Variants in CHM observed in about 807,000 individuals in gnomAD.
The protein encoded by CHM is rab proteins geranylgeranyltransferase component A 1.
In CHM, 10 loss-of-function variants were observed where a neutral mutation model predicts 49.0. That is an observed-to-expected ratio of 0.20 (90% CI 0.13 to 0.35). The LOEUF (loss-of-function observed/expected upper bound fraction) is 0.35. CHM is among the 10% of genes least tolerant of loss of function. The pLI, the probability that CHM is intolerant of heterozygous loss-of-function variation, is 1.00. For missense variants in CHM, 455 were observed against 478.4 expected, an observed-to-expected ratio of 0.95 and a Z score of 0.46; for synonymous variants, 184 against 167.5, an observed-to-expected ratio of 1.10 and a Z score of -0.76.
At chrX:85,913,725 G>A (rs1167408694) in intron 8 of CHM, among the ~76,000 whole-genome samples, 1 of 110,987 alleles carries the variant, frequency 9.0e-6, no homozygotes, top group East Asian at 2.8e-4. Context: ...ATGAATGTAT[G>A]GAAATGATGA....
chrX:85,932,961 A>G (rs780530482), intron 8 of CHM, among the ~76,000 whole-genome samples: 1 of 112,015 alleles, frequency 8.9e-6, no homozygotes, highest in South Asian at 3.7e-4. Flanking sequence ...AGTGTTGATT[A>G]TGAAAACATC....
intron 1 of CHM, among the ~76,000 whole-genome samples, chrX:86,043,176 A>T (rs1181739149): frequency 2.7e-5 from 3 of 111,458 alleles, no homozygotes; most frequent in Admixed American, 9.5e-5. Flanking sequence ...CATCTATTGA[A>T]ATTTCTCACT....
Position 85,974,133 on chromosome X carries a change from A to G in CHM, c.314+4634T>C, listed in dbSNP as rs1209258973. Reference sequence around the variant, plus strand: ...GAATATGTGAAAACCAAAATTAAAAAGACAATACCATTTATAATTGTTCCA... The same window carrying G: ...GAATATGTGAAAACCAAAATTAAAAGGACAATACCATTTATAATTGTTCCA... On this transcript the variant is annotated intron_variant, in intron 4 of 14. Transcript: ENST00000357749. 6.2e-5 allele frequency among the ~76,000 whole-genome samples: 7 copies of G among 112,458 alleles called. No homozygotes were observed. In the East Asian group the frequency reaches 1.9e-3, roughly 31 times the overall value.
intron 2 of CHM, among the ~76,000 whole-genome samples, chrX:85,998,387 T>C (rs1932544924): frequency 9.0e-6 from 1 of 111,726 alleles, no homozygotes; most frequent in African/African-American, 3.3e-5. Flanking sequence ...AATGAGTCTC[T>C]TGGGAGTGGT....
At chrX:86,036,856 A>C (rs1051762478) in intron 1 of CHM, among the ~76,000 whole-genome samples, 1 of 111,335 alleles carries the variant, frequency 9.0e-6, no homozygotes, top group Non-Finnish European at 1.9e-5. Flanking sequence ...ATTACAGAGA[A>C]AACAAGACTG....
chrX:85,998,840 T>C (rs933277811), intron 2 of CHM, among the ~76,000 whole-genome samples: 1 of 111,583 alleles, frequency 9.0e-6, no homozygotes, highest in Non-Finnish European at 1.9e-5. Context: ...GGGGACAATC[T>C]ATATTGATGG....
At chrX:85,891,690 C>T (rs1925470030) in intron 12 of CHM, among the ~76,000 whole-genome samples, 1 of 112,530 alleles carries the variant, frequency 8.9e-6, no homozygotes. Flanking sequence ...TGCTAGGGCA[C>T]TGTGGAAGGG....
intron 14 of CHM, among the ~76,000 whole-genome samples, chrX:85,865,047 C>T (rs184392000): frequency 9.0e-6 from 1 of 111,676 alleles, no homozygotes; most frequent in East Asian, 2.8e-4. Flanking sequence ...TCAAGGATGG[C>T]AGTACCTCAT....
At chrX:85,880,259 AG>A (rs1924679430) in intron 12 of CHM, among the ~76,000 whole-genome samples, 1 of 111,632 alleles carries the variant, frequency 9.0e-6, no homozygotes, top group African/African-American at 3.2e-5. Flanking sequence ...GGGATACTGT[AG>A]GATGTATGGT....
At chrX:85,959,049 A>C in intron 5 of CHM, 72 bp from the exon 6 acceptor site, 1 of 1,123,867 alleles carries the variant, frequency 8.9e-7, no homozygotes, top group Non-Finnish European at 1.2e-6. Context: ...AAAGATACAT[A>C]ATTTTGCTAT....
At chrX:85,925,220 A>G (rs1255049629) in intron 8 of CHM, among the ~76,000 whole-genome samples, 1 of 111,415 alleles carries the variant, frequency 9.0e-6, no homozygotes, top group Admixed American at 9.6e-5. Context: ...TCTATGTTTC[A>G]TAAGTACAGT....
intron 7 of CHM, among the ~76,000 whole-genome samples, chrX:85,957,206 C>T (rs989330371): frequency 1.8e-5 from 2 of 111,435 alleles, no homozygotes; most frequent in African/African-American, 6.5e-5. Flanking sequence ...ATAGTATATT[C>T]CAATTTTGGA....
At chrX:86,006,606 C>T (rs1347830067) in intron 2 of CHM, among the ~76,000 whole-genome samples, 4 of 111,372 alleles carry the variant, frequency 3.6e-5, no homozygotes, top group East Asian at 5.7e-4. Flanking sequence ...ACAAGCATTC[C>T]TATACACCAA....
At chrX:85,960,101 T>C (rs1318921724) in intron 5 of CHM, among the ~76,000 whole-genome samples, 1 of 111,724 alleles carries the variant, frequency 9.0e-6, no homozygotes, top group Non-Finnish European at 1.9e-5. Context: ...AGAGACCATG[T>C]TTTAAAGAAT....
intron 4 of CHM, chrX:85,970,371 A>T: frequency 1.3e-6 from 1 of 749,252 alleles, no homozygotes; most frequent in Non-Finnish European, 1.6e-6. Context: ...ATTCCAGTAA[A>T]TTAAAGAAGT....
In CHM at chrX:86,047,472, G is replaced by A; in HGVS notation, c.49+12C>T. 2 of 1,204,553 alleles carry A rather than the reference G, an allele frequency of 1.7e-6. No homozygotes were observed. The highest frequency in any genetic ancestry group is 2.2e-6 in the Non-Finnish European group (2 of 889,258). ...CCTAAACTTTGTCCAGGAAGCACCA[G>A]GCTACACATACCCGTCCCTATTACG... is the stretch of plus-strand genomic sequence containing the variant. On this transcript the variant is annotated intron_variant, in intron 1 of 14. Transcript: ENST00000357749.
chrX:85,997,360 C>T (rs941623455), intron 2 of CHM, among the ~76,000 whole-genome samples: 1 of 111,408 alleles, frequency 9.0e-6, no homozygotes, highest in Non-Finnish European at 1.9e-5. Flanking sequence ...TTGTTCACCT[C>T]GATACCCAGG....
chrX:85,931,540 C>T (rs1928437293), intron 8 of CHM, among the ~76,000 whole-genome samples: 1 of 111,539 alleles, frequency 9.0e-6, no homozygotes, highest in Non-Finnish European at 1.9e-5. Flanking sequence ...GTCAATAAGC[C>T]AAATTCCACC....
intron 1 of CHM, among the ~76,000 whole-genome samples, chrX:86,036,587 G>T (rs1001792551): frequency 9.0e-6 from 1 of 111,385 alleles, no homozygotes; most frequent in Non-Finnish European, 1.9e-5. Flanking sequence ...AGGGGGGAGG[G>T]TATTCTCTAT....
Sources: gnomAD v4.1 joint callset for allele counts (sites outside exome capture counted in the v4.1 genomes callset) on GRCh38, gnomAD v4.1.1 for gene constraint, MANE v1.5 for transcripts, NCBI Gene and HGNC (gene_info 2026-07-23, HGNC 2026-07-21) for gene names.